Variants in PRKAR1A observed in about 807,000 individuals in gnomAD.
The protein encoded by PRKAR1A is protein kinase cAMP-dependent type I regulatory subunit alpha, also known as cAMP-dependent protein kinase type I-alpha regulatory subunit.
A neutral mutation model predicts 52.0 loss-of-function variants in PRKAR1A; 3 were observed. The observed-to-expected ratio is 0.06, with a 90% CI of 0.03 to 0.15. The LOEUF is 0.15. Ranked by LOEUF, PRKAR1A falls within the 10% of genes least tolerant of loss-of-function variation. The pLI is 1.00. For missense variants in PRKAR1A, 240 were observed against 477.4 expected (o/e 0.50, Z 4.63); for synonymous variants, 188 against 168.4 (o/e 1.12, Z -0.90).
chr17:68,435,126 A>C, the PRKAR1A span, among the ~76,000 whole-genome samples: 1 of 151,888 alleles, frequency 6.6e-6, no homozygotes, highest in East Asian at 1.9e-4. Context: ...AGAATCACTT[A>C]AACCTGGGAG....
the PRKAR1A span, among the ~76,000 whole-genome samples, chr17:68,427,948 G>C: frequency 6.6e-6 from 1 of 152,074 alleles, no homozygotes; most frequent in Non-Finnish European, 1.5e-5. Context: ...GCAGTGCAGT[G>C]GTGTGACCAC....
At chr17:68,427,020 G>A in the PRKAR1A span, 1 of 836,144 alleles carries the variant, frequency 1.2e-6, no homozygotes, top group Non-Finnish European at 1.9e-6. Flanking sequence ...GGAAGGGGAG[G>A]GAGGGCACTC....
At chr17:68,433,775 T>G in the PRKAR1A span, among the ~76,000 whole-genome samples, 6 of 61,514 alleles carry the variant, frequency 9.8e-5, no homozygotes, top group South Asian at 5.9e-4. Flanking sequence ...TTTTTTTTTT[T>G]TTTTTTTTTT....
intron 11 of PRKAR1A, among the ~76,000 whole-genome samples, chr17:68,548,992 A>G (rs1300438197): frequency 6.6e-6 from 1 of 151,922 alleles, no homozygotes; most frequent in Non-Finnish European, 1.5e-5. Context: ...TCAGCCTCCC[A>G]AAGTGCTGGG....
In PRKAR1A at chr17:68,522,829, C is replaced by T. The variant is rs2085658956; in HGVS notation, c.251C>T (p.Pro84Leu). 6.2e-7 allele frequency: 1 copy of T among 1,614,030 alleles called. No individual in the cohort carries two copies. The highest frequency in any genetic ancestry group is 8.5e-7 in the Non-Finnish European group (1 of 1,179,926). Residue 84 changes from proline (P) to leucine (L), a missense_variant, in exon 3 of 11, where the codon CCT becomes CTT. Coordinates refer to ENST00000589228, the MANE Select transcript of PRKAR1A (RefSeq NM_002734.5). ...RTDSREDEIS[P>L]PPPNPVVKGR... ...GACTCAAGGGAGGATGAGATTTCTC[C>T]TCCTCCACCCAACCCAGTGGTTAAA...
chr17:68,540,994 C>A (rs1446433239), intron 11 of PRKAR1A: 1 of 1,555,518 alleles, frequency 6.4e-7, no homozygotes, highest in African/African-American at 1.4e-5. Flanking sequence ...CTGGAAAAGC[C>A]AAGATGGCAG....
At chr17:68,524,582 A>G (rs763817424) in intron 5 of PRKAR1A, among the ~76,000 whole-genome samples, 26 of 152,008 alleles carry the variant, frequency 1.7e-4, no homozygotes, top group Non-Finnish European at 3.2e-4. Flanking sequence ...ATATATTTTC[A>G]TTTTGTGGCA....
chr17:68,442,527 A>G, the PRKAR1A span, among the ~76,000 whole-genome samples: 3 of 151,886 alleles, frequency 2.0e-5, no homozygotes, highest in African/African-American at 7.3e-5. Flanking sequence ...GTCCTGAAGC[A>G]ACCCTGTCCT....
In PRKAR1A at chr17:68,522,773, T is replaced by A; in HGVS notation, c.195T>A (p.Ile65=). ...ERLEKEEAKQ[I]QNLQKAGTRT... Reference sequence around the variant, plus strand: ...TCTTTCAGGAGGAGGCAAAACAGATTCAGAATCTGCAGAAAGCAGGCACTC... The same window carrying A: ...TCTTTCAGGAGGAGGCAAAACAGATACAGAATCTGCAGAAAGCAGGCACTC... Residue 65 remains isoleucine, a synonymous_variant, in exon 3 of 11, where the codon ATT becomes ATA. Transcript: ENST00000589228. 1 of 1,614,100 alleles carries A rather than the reference T, an allele frequency of 6.2e-7. No individual in the cohort carries two copies. Among genetic ancestry groups the A allele is most frequent in the Non-Finnish European group, 8.5e-7 (1 of 1,180,012 alleles).
At chr17:68,486,959 C>T in the PRKAR1A span, among the ~76,000 whole-genome samples, 7 of 151,918 alleles carry the variant, frequency 4.6e-5, no homozygotes, top group Admixed American at 2.0e-4. Context: ...CTGCAACCTC[C>T]GCCTCCCAGG....
chr17:68,508,729 G>C (rs2085227493), upstream of PRKAR1A, among the ~76,000 whole-genome samples: 1 of 152,172 alleles, frequency 6.6e-6, no homozygotes, highest in South Asian at 2.1e-4. Flanking sequence ...TTTAGATTAA[G>C]ATATTTTTAC....
At chr17:68,536,400 TC>T (rs1568713203), downstream of PRKAR1A, 3 of 454,110 alleles carry the variant, frequency 6.6e-6, no homozygotes, top group Non-Finnish European at 1.3e-5. Context: ...AAACAAAGCC[TC>T]CTATTAAAAG....
At chr17:68,421,834 A>G in the PRKAR1A span, 1 of 1,614,170 alleles carries the variant, frequency 6.2e-7, no homozygotes. Flanking sequence ...CCAAAATCAA[A>G]ACAGAATGGC....
chr17:68,420,664 C>T, the PRKAR1A span: 1 of 644,554 alleles, frequency 1.6e-6, no homozygotes, highest in Admixed American at 3.0e-5. Context: ...TGGCTCTGGG[C>T]AGGGAGTGTG....
intron 1 of PRKAR1A, chr17:68,512,963 CTCT>C (rs1432288912): frequency 2.6e-5 from 4 of 152,412 alleles, no homozygotes; most frequent in Non-Finnish European, 4.4e-5. Context: ...CCGGTCCTGG[CTCT>C]TCTTGTAAGC....
At chr17:68,444,634 A>G in the PRKAR1A span, 6 of 1,528,402 alleles carry the variant, frequency 3.9e-6, no homozygotes, top group Non-Finnish European at 5.4e-6. Context: ...GTTCCTTACA[A>G]AGACCCTGAC....
the PRKAR1A span, among the ~76,000 whole-genome samples, chr17:68,498,194 C>T: frequency 0.01 from 1,595 of 152,214 alleles, 20 homozygotes; most frequent in Non-Finnish European, 0.018. Flanking sequence ...CTCTCCGTAA[C>T]GACCATGTAA....
At chr17:68,479,094 A>G in the PRKAR1A span, among the ~76,000 whole-genome samples, 3 of 152,220 alleles carry the variant, frequency 2.0e-5, no homozygotes, top group Admixed American at 6.5e-5. Flanking sequence ...TGCTTTAACT[A>G]TAGTTATCCA....
At chr17:68,486,515 T>TCCTTCCTTCCTTCCTTCCTTCCTTCCC in the PRKAR1A span, among the ~76,000 whole-genome samples, 3 of 58,664 alleles carry the variant, frequency 5.1e-5, no homozygotes, top group South Asian at 5.9e-4. Flanking sequence ...CCTTCTTTCT[T>TCCTTCCTTCCTTCCTTCCTTCCTTCCC]TCTTTCTTTC....
Sources: allele counts gnomAD v4.1 joint callset (sites outside exome capture counted in the v4.1 genomes callset), GRCh38; gene constraint gnomAD v4.1.1; transcripts MANE v1.5; gene names NCBI Gene and HGNC (gene_info 2026-07-23, HGNC 2026-07-21).